Variants in PPA2 observed in about 807,000 individuals in gnomAD.
PPA2 encodes the protein inorganic pyrophosphatase 2, mitochondrial.
PPA2 carries 48 observed loss-of-function variants against 49.5 expected under a neutral mutation model. The observed-to-expected ratio is 0.97, with a 90% CI of 0.77 to 1.23. PPA2 has a LOEUF of 1.23. PPA2 is among the 50% of genes most tolerant of loss of function. The pLI is 0.00. For synonymous variants in PPA2, 131 were observed against 139.9 expected (o/e 0.94, Z 0.45); for missense variants, 429 against 410.1 (o/e 1.05, Z -0.40).
intron 1 of PPA2, among the ~76,000 whole-genome samples, chr4:105,467,822 A>T (rs1360129212): frequency 6.6e-6 from 1 of 152,154 alleles, no homozygotes; most frequent in African/African-American, 2.4e-5. Flanking sequence ...AAAGAGAGAA[A>T]CAAGTTCGGT....
chr4:105,422,815 A>G (rs1480157200), intron 7 of PPA2, among the ~76,000 whole-genome samples: 1 of 152,182 alleles, frequency 6.6e-6, no homozygotes, highest in Non-Finnish European at 1.5e-5. Context: ...CATCTCCAAC[A>G]GTACTGAACT....
chr4:105,376,228 G>A (rs1056543649), intron 10 of PPA2, among the ~76,000 whole-genome samples: 13 of 152,174 alleles, frequency 8.5e-5, no homozygotes, highest in Non-Finnish European at 1.6e-4. Context: ...CCGTCACTGG[G>A]ATTCACTTTA....
At chr4:105,425,723 T>TACACATACACACAC (rs993307304) in intron 6 of PPA2, among the ~76,000 whole-genome samples, 49 of 122,526 alleles carry the variant, frequency 4.0e-4, no homozygotes, top group African/African-American at 1.5e-3. Context: ...CACATGCACA[T>TACACATACACACAC]ACACACACAC....
At chr4:105,397,443 C>A (rs1024385163) in intron 8 of PPA2, among the ~76,000 whole-genome samples, 3 of 152,100 alleles carry the variant, frequency 2.0e-5, no homozygotes, top group African/African-American at 7.2e-5. Flanking sequence ...TATTTAGAAC[C>A]AATTTCAATA....
rs753176486 is a variant in PPA2, at chr4:105,438,042, A to AT, written c.442-7dup. The stretch of plus-strand genomic sequence containing the variant: ...TCATGGGGATCTTCCCAAGTCTAAA[A>AT]TTTTTTTTTTAAAAAAAAGCAGAAA... On this transcript the variant is annotated splice_region_variant and splice_polypyrimidine_tract_variant and intron_variant, in intron 5 of 11. Transcript: ENST00000341695. 3.5e-4 allele frequency: 523 copies of AT among 1,488,212 alleles called. No homozygotes were observed. The highest frequency in any genetic ancestry group is 5.3e-4 in the African/African-American group (38 of 71,204). The allele number at this position is 1,488,212 out of a possible 1,614,324, so 92.2% of individuals were successfully genotyped here. A position where few individuals can be genotyped will look rare whatever the true frequency, so the allele number is the denominator to read the frequency against.
At chr4:105,379,630 A>AT (rs70964652) in intron 10 of PPA2, among the ~76,000 whole-genome samples, 7,515 of 127,566 alleles carry the variant, frequency 0.059, 600 homozygotes, top group African/African-American at 0.17. Flanking sequence ...CGCCTGGCTA[A>AT]TTTTTTTTTT....
intron 10 of PPA2, among the ~76,000 whole-genome samples, chr4:105,375,947 C>A (rs1733232607): frequency 6.6e-6 from 1 of 152,182 alleles, no homozygotes; most frequent in African/African-American, 2.4e-5. Context: ...TGCAGAACCT[C>A]TAAGAGTGTG....
intron 6 of PPA2, among the ~76,000 whole-genome samples, chr4:105,435,567 T>C (rs1258020601): frequency 6.6e-6 from 1 of 152,110 alleles, no homozygotes. Context: ...TCCACTGGTG[T>C]TCTTGTGTCC....
chr4:105,370,932 G>A (rs1357822218), intron 10 of PPA2, 59 bp from the exon 11 acceptor site: 18 of 1,381,404 alleles, frequency 1.3e-5, no homozygotes, highest in African/African-American at 4.5e-5. Context: ...TGTGGAAAGC[G>A]CATCCAGAAG....
At chr4:105,401,416 ATT>A (rs1000374686) in intron 7 of PPA2, among the ~76,000 whole-genome samples, 3 of 151,972 alleles carry the variant, frequency 2.0e-5, no homozygotes, top group Admixed American at 6.6e-5. Flanking sequence ...GTAAAGATGT[ATT>A]TTTTCAGTTT....
intron 1 of PPA2, among the ~76,000 whole-genome samples, chr4:105,473,031 A>C (rs1250708174): frequency 2.6e-5 from 4 of 152,170 alleles, no homozygotes; most frequent in Admixed American, 6.5e-5. Flanking sequence ...AGTGCTCCGA[A>C]AAGGGGAGCG....
intron 4 of PPA2, among the ~76,000 whole-genome samples, chr4:105,448,798 T>A (rs927966411): frequency 1.3e-5 from 2 of 151,866 alleles, no homozygotes; most frequent in Non-Finnish European, 2.9e-5. Context: ...GTATTTGCCA[T>A]TTTCAAAGGA....
intron 11 of PPA2, chr4:105,370,506 T>C: frequency 1.4e-6 from 1 of 692,062 alleles, no homozygotes; most frequent in Non-Finnish European, 1.8e-6. Flanking sequence ...AAAAGATAAA[T>C]ATCTAAATGT....
intron 10 of PPA2, 131 bp downstream of exon 10, chr4:105,386,436 C>G (rs1056137609): frequency 1.5e-6 from 1 of 653,148 alleles, no homozygotes. Context: ...AAATAGATTT[C>G]AAGGTGATCT....
chr4:105,386,697 A>G (rs963149165), intron 9 of PPA2, 61 bp from the exon 10 acceptor site: 3 of 1,387,174 alleles, frequency 2.2e-6, no homozygotes, highest in Non-Finnish European at 3.0e-6. Flanking sequence ...TACCAAAAAA[A>G]CCCCAAAAAC....
chr4:105,386,655 T>C lies in PPA2; in HGVS notation c.870-19A>G, dbSNP rs1733698516. 6.2e-7 allele frequency: 1 copy of C among 1,604,574 alleles called. No homozygotes were observed. Among genetic ancestry groups the C allele is most frequent in the African/African-American group, 1.3e-5 (1 of 74,676 alleles). On this transcript the variant is annotated intron_variant, in intron 9 of 11. Coordinates refer to ENST00000341695, the MANE Select transcript of PPA2 (RefSeq NM_176869.3). ...GTTTGTGCTGGAGAGGAAAAGAGAA[T>C]GTTATTATTAAACAGGATAAAAAGA... is the stretch of plus-strand genomic sequence containing the variant.
At chr4:105,448,350 T>G (rs546169860) in intron 4 of PPA2, among the ~76,000 whole-genome samples, 1 of 152,154 alleles carries the variant, frequency 6.6e-6, no homozygotes, top group African/African-American at 2.4e-5. Context: ...TTCTGAAAAA[T>G]ATACACCTAC....
chr4:105,392,298 G>T lies in PPA2; in HGVS notation c.869+3951C>A, dbSNP rs141348180. On this transcript the variant is annotated intron_variant, in intron 9 of 11. Transcript: ENST00000341695. ...CAAAAAAAAAAACTTCGGAGAAAGAGAATTTTCAAGGTATCAATGAAAAGA... is the reference window on the plus strand; with the variant it reads ...CAAAAAAAAAAACTTCGGAGAAAGATAATTTTCAAGGTATCAATGAAAAGA... 9.7e-4 allele frequency among the ~76,000 whole-genome samples: 147 copies of T among 152,092 alleles called. 1 individual carries two copies. The highest frequency in any genetic ancestry group is 3.4e-3 in the African/African-American group (140 of 41,500).
At chr4:105,440,314 T>G (rs1474117880) in intron 5 of PPA2, among the ~76,000 whole-genome samples, 1 of 141,578 alleles carries the variant, frequency 7.1e-6, no homozygotes, top group Non-Finnish European at 1.6e-5. Context: ...CAGGCTGGAG[T>G]GCAGTGGCAC....
Sources: allele counts gnomAD v4.1 joint callset (sites outside exome capture counted in the v4.1 genomes callset), GRCh38; gene constraint gnomAD v4.1.1; transcripts MANE v1.5; gene names NCBI Gene and HGNC (gene_info 2026-07-23, HGNC 2026-07-21).